Variants in NINJ2 observed in about 807,000 individuals in gnomAD.
The protein encoded by NINJ2 is ninjurin 2, also known as ninjurin-2.
A neutral mutation model predicts 11.7 loss-of-function variants in NINJ2; 12 were observed. That is an observed-to-expected ratio of 1.02 (90% CI 0.66 to 1.66). The LOEUF (loss-of-function observed/expected upper bound fraction) is 1.66. Among genes scored for constraint, NINJ2 ranks in the 40% most tolerant of loss-of-function variants. The pLI is 0.00. For synonymous variants in NINJ2, 93 were observed against 76.8 expected, an observed-to-expected ratio of 1.21 and a Z score of -1.10; for missense variants, 187 against 181.8, an observed-to-expected ratio of 1.03 and a Z score of -0.16.
At chr12:611,247 C>T (rs1350942501) in intron 1 of NINJ2, among the ~76,000 whole-genome samples, 62 of 102,778 alleles carry the variant, frequency 6.0e-4, no homozygotes, top group African/African-American at 2.5e-3. Context: ...TTCTTTCTTT[C>T]TCTCTCTCTC....
At chr12:579,177 A>T (rs572695971) in intron 1 of NINJ2, among the ~76,000 whole-genome samples, 1 of 152,222 alleles carries the variant, frequency 6.6e-6, no homozygotes, top group African/African-American at 2.4e-5. Flanking sequence ...AGAAGCAATG[A>T]GAGCTGAGCC....
chr12:612,592 A>G (rs1341629637), intron 1 of NINJ2, among the ~76,000 whole-genome samples: 2 of 152,164 alleles, frequency 1.3e-5, no homozygotes, highest in Non-Finnish European at 2.9e-5. Flanking sequence ...AGCAGAGGGA[A>G]GGAGCTGTCT....
chr12:586,194 C>G (rs943064301), intron 1 of NINJ2: 1 of 152,234 alleles, frequency 6.6e-6, no homozygotes, highest in Non-Finnish European at 1.5e-5. Context: ...AATGCAGGAC[C>G]CTTCTCAGCA....
At chr12:623,892 G>T (rs181721700) in intron 1 of NINJ2, among the ~76,000 whole-genome samples, 25 of 152,178 alleles carry the variant, frequency 1.6e-4, no homozygotes, top group African/African-American at 5.5e-4. Context: ...AAAGTAGCTA[G>T]GTGTGGTTGT....
At chr12:578,613 C>T (rs775863124) in intron 1 of NINJ2, among the ~76,000 whole-genome samples, 2 of 152,200 alleles carry the variant, frequency 1.3e-5, no homozygotes, top group African/African-American at 2.4e-5. Context: ...CCACTACACC[C>T]GGCCGAGAGC....
chr12:613,721 C>T (rs1053147121), intron 1 of NINJ2, among the ~76,000 whole-genome samples: 4 of 151,686 alleles, frequency 2.6e-5, no homozygotes, highest in Non-Finnish European at 5.9e-5. Context: ...CTGGCTAATA[C>T]GGTGAAACCC....
chr12:636,142 C>T (rs562925370), intron 1 of NINJ2, among the ~76,000 whole-genome samples: 51 of 151,762 alleles, frequency 3.4e-4, no homozygotes, highest in Middle Eastern at 6.8e-3. Context: ...TTTGGGAGGC[C>T]GAGGCGGGTG....
intron 1 of NINJ2, among the ~76,000 whole-genome samples, chr12:604,494 C>T (rs955708132): frequency 2.0e-5 from 3 of 152,016 alleles, no homozygotes; most frequent in South Asian, 2.1e-4. Context: ...AAAAATTAGC[C>T]GGGCGTGGTG....
In NINJ2 at chr12:614,076, G is replaced by C. The variant is rs989212469; in HGVS notation, c.34-47898C>G. Among the ~76,000 whole-genome samples, 3 of 152,148 alleles carry C rather than the reference G, an allele frequency of 2.0e-5. No homozygotes were observed. The highest frequency in any genetic ancestry group is 7.2e-5 in the African/African-American group (3 of 41,424). On this transcript the variant is annotated intron_variant, in intron 1 of 3. Coordinates refer to ENST00000305108, the MANE Select transcript of NINJ2 (RefSeq NM_016533.6). This position sits in a 1 kb window ranked among gnomAD's most constrained non-coding sequence, Gnocchi z 5.1. ...CTTCCAGAAGCCACAGGCATGTGGG[G>C]TGGAGAAAGGCCAAGCAGCTTGTCC...
chr12:649,207 C>T (rs749699453), intron 1 of NINJ2, among the ~76,000 whole-genome samples: 7 of 152,098 alleles, frequency 4.6e-5, no homozygotes, highest in Non-Finnish European at 7.4e-5. Context: ...CCACCACACT[C>T]GGCTAATTTT....
intron 1 of NINJ2, among the ~76,000 whole-genome samples, chr12:583,321 G>A (rs568952875): frequency 1.0e-3 from 155 of 152,358 alleles, no homozygotes; most frequent in Middle Eastern, 3.4e-3. Flanking sequence ...AGCTCAGGGC[G>A]ATGCCCCAGG....
At chr12:607,689 T>C (rs1019232693) in intron 1 of NINJ2, among the ~76,000 whole-genome samples, 2 of 152,140 alleles carry the variant, frequency 1.3e-5, no homozygotes, top group African/African-American at 4.8e-5. Context: ...CCTTTCTCAG[T>C]AGAGCAAGCA....
At chr12:652,447 G>A (rs1937808376) in intron 1 of NINJ2, among the ~76,000 whole-genome samples, 1 of 152,120 alleles carries the variant, frequency 6.6e-6, no homozygotes, top group Admixed American at 6.5e-5. Context: ...GAAGGAAAAT[G>A]AAGCTGGGCA....
intron 1 of NINJ2, among the ~76,000 whole-genome samples, chr12:660,243 G>T (rs1937939729): frequency 7.2e-6 from 1 of 139,414 alleles, no homozygotes. Context: ...AGCCAAGATT[G>T]CACCACTGCA....
chr12:579,418 C>T (rs1238639066), intron 1 of NINJ2, among the ~76,000 whole-genome samples: 1 of 152,106 alleles, frequency 6.6e-6, no homozygotes, highest in African/African-American at 2.4e-5. Flanking sequence ...TGAAAGAAAA[C>T]TAGACTCTTG....
At chr12:576,616 C>T (rs1211729674) in intron 1 of NINJ2, among the ~76,000 whole-genome samples, 1 of 152,236 alleles carries the variant, frequency 6.6e-6, no homozygotes, top group Non-Finnish European at 1.5e-5. Context: ...GCTTCAGTCT[C>T]CCAAAGTGCC....
At chr12:618,695 G>T (rs35981192) in intron 1 of NINJ2, among the ~76,000 whole-genome samples, 2 of 152,192 alleles carry the variant, frequency 1.3e-5, no homozygotes, top group East Asian at 3.9e-4. Context: ...ATCAGGAGCC[G>T]AATTGCCTCT....
intron 1 of NINJ2, among the ~76,000 whole-genome samples, chr12:625,350 C>T (rs1019116300): frequency 3.3e-5 from 5 of 151,960 alleles, no homozygotes; most frequent in African/African-American, 1.2e-4. Context: ...AGGGAGTAGA[C>T]AGAGAGAAGG....
intron 1 of NINJ2, among the ~76,000 whole-genome samples, chr12:587,205 C>G (rs1271661780): frequency 1.3e-5 from 2 of 152,124 alleles, no homozygotes; most frequent in Non-Finnish European, 2.9e-5. Context: ...GACTAGGGGA[C>G]CAGGAGGCAA....
Sources: gnomAD v4.1 joint callset for allele counts (sites outside exome capture counted in the v4.1 genomes callset) on GRCh38, gnomAD v4.1.1 for gene constraint, Gnocchi (gnomAD v3.1) non-coding constraint, MANE v1.5 for transcripts, NCBI Gene and HGNC (gene_info 2026-07-23, HGNC 2026-07-21) for gene names.